BTBD8: variants seen among roughly 807,000 people sequenced by gnomAD.
BTBD8 encodes the protein BTB domain containing 8, also known as BTB/POZ domain-containing protein 8.
In BTBD8, 110 loss-of-function variants were observed where a neutral mutation model predicts 162.9. That is an observed-to-expected ratio of 0.68 (90% CI 0.58 to 0.79). The LOEUF is 0.79. Ranked by LOEUF, BTBD8 falls within the 30% of genes least tolerant of loss-of-function variation. The probability of loss-of-function intolerance (pLI) is 0.00; values close to 1 mark genes in which losing one functional copy is unlikely to be tolerated. For missense variants in BTBD8, 1,905 were observed against 2,085.4 expected, an observed-to-expected ratio of 0.91 and a Z score of 1.68; for synonymous variants, 667 against 716.1, an observed-to-expected ratio of 0.93 and a Z score of 1.10.
At chr1:92,112,955 C>T (rs1429945249) in intron 4 of BTBD8, among the ~76,000 whole-genome samples, 1 of 152,148 alleles carries the variant, frequency 6.6e-6, no homozygotes, top group African/African-American at 2.4e-5. Flanking sequence ...TAATCCAGGC[C>T]ATTATTCTGC....
In BTBD8 at chr1:92,184,295, G is replaced by A. The variant is rs1162835777; in HGVS notation, c.5344G>A (p.Glu1782Lys). 4 of 1,550,898 alleles carry A rather than the reference G, an allele frequency of 2.6e-6. No homozygotes were observed. Among genetic ancestry groups the A allele is most frequent in the Admixed American group, 2.0e-5 (1 of 50,928 alleles). The change falls in exon 18 of 18, where the codon GAG (glutamate) becomes AAG (lysine). Residue 1782 changes from glutamate (E) to lysine (K), a missense_variant. Physicochemically the swap from Glu to Lys is moderately conservative, Grantham distance 56 (BLOSUM62 1). Coordinates refer to ENST00000636805, the MANE Select transcript of BTBD8 (RefSeq NM_001376131.1). ...CTCTGAAGATTGTTCGCCTCAAGGC[G>A]AGTGGACAATTCTGGAACTGGAAAC... ...FSSEDCSPQG[E>K]WTILELETQH
At chr1:92,168,232 T>A (rs1023445572) in intron 11 of BTBD8, among the ~76,000 whole-genome samples, 1 of 152,166 alleles carries the variant, frequency 6.6e-6, no homozygotes. Context: ...TAATTTTAAA[T>A]TTAGTGTGAT....
At chr1:92,139,176 G>T (rs1187811222) in intron 5 of BTBD8, among the ~76,000 whole-genome samples, 174 bp from the exon 6 acceptor site, 1 of 152,122 alleles carries the variant, frequency 6.6e-6, no homozygotes, top group African/African-American at 2.4e-5. Flanking sequence ...ATCCATTGTT[G>T]TAGTTCTGTT....
At chr1:92,149,034 G>C (rs762800802) in intron 9 of BTBD8, among the ~76,000 whole-genome samples, 22 of 152,144 alleles carry the variant, frequency 1.4e-4, no homozygotes, top group Non-Finnish European at 2.6e-4. Flanking sequence ...AAGAAACTAT[G>C]AACAGTGAAA....
intron 4 of BTBD8, among the ~76,000 whole-genome samples, chr1:92,110,474 C>G (rs1648858024): frequency 6.6e-6 from 1 of 152,206 alleles, no homozygotes; most frequent in Admixed American, 6.5e-5. Flanking sequence ...TTCATGGATT[C>G]CATTAGTTAT....
intron 4 of BTBD8, among the ~76,000 whole-genome samples, chr1:92,119,823 G>A (rs559614115): frequency 4.7e-5 from 7 of 148,076 alleles, no homozygotes; most frequent in Non-Finnish European, 1.0e-4. Flanking sequence ...GTTTCACCGT[G>A]ATCTCGATTT....
At chr1:92,175,848 A>G (rs1650697220) in intron 13 of BTBD8, among the ~76,000 whole-genome samples, 2 of 152,280 alleles carry the variant, frequency 1.3e-5, no homozygotes, top group South Asian at 4.1e-4. Flanking sequence ...ATCTTAAAAT[A>G]TTATCCTAGA....
intron 9 of BTBD8, among the ~76,000 whole-genome samples, chr1:92,149,151 C>T (rs1419773540): frequency 6.6e-6 from 1 of 152,150 alleles, no homozygotes; most frequent in Admixed American, 6.5e-5. Flanking sequence ...TGCAGTAGTT[C>T]TGATATAAAC....
intron 4 of BTBD8, among the ~76,000 whole-genome samples, chr1:92,119,893 C>CTTT (rs58297367): frequency 0.013 from 741 of 58,110 alleles, 2 homozygotes; most frequent in Middle Eastern, 0.036. Flanking sequence ...CGGCCCTTTT[C>CTTT]TTTTTTTTTT....
rs552493409 is a variant in BTBD8, at chr1:92,108,121, A to G, written c.662+120A>G. On this transcript the variant is annotated intron_variant, in intron 4 of 17. Transcript: ENST00000636805. Reference sequence around the variant, plus strand: ...TTTTCACACAGGCCACAGGGGTTCCATGAAGGCCAAAGGGGTTCCACTGTG... The same window carrying G: ...TTTTCACACAGGCCACAGGGGTTCCGTGAAGGCCAAAGGGGTTCCACTGTG... 7.7e-6 allele frequency: 7 copies of G among 912,366 alleles called. No individual in the cohort carries two copies. The South Asian group carries it at 8.4e-5, about 11-fold the overall frequency. 56.5% of individuals were successfully genotyped at this position (912,366 alleles called of 1,614,324 possible).
Position 92,184,203 on chromosome 1 carries a change from T to G in BTBD8, c.5252T>G (p.Leu1751Trp), listed in dbSNP as rs992476525. The G allele has an allele frequency of 1.3e-6, 2 of 1,551,482 alleles. No homozygotes were observed. Among genetic ancestry groups the G allele is most frequent in the Non-Finnish European group, 1.7e-6 (2 of 1,146,854 alleles). ...CAGGGTATAACACATATTGACACTT[T>G]GAACAGATGGAGTGAACTAACATCT... ...KPQGITHIDT[L>W]NRWSELTSPL... Residue 1751 changes from leucine (L) to tryptophan (W), a missense_variant, in exon 18 of 18, where the codon TTG (leucine) becomes TGG (tryptophan). By Grantham distance (61) the Leu-to-Trp change is moderately conservative (BLOSUM62 -2). Coordinates refer to ENST00000636805, the MANE Select transcript of BTBD8 (RefSeq NM_001376131.1).
chr1:92,118,619 G>A (rs1374964738), intron 4 of BTBD8, among the ~76,000 whole-genome samples: 1 of 151,830 alleles, frequency 6.6e-6, no homozygotes, highest in African/African-American at 2.4e-5. Flanking sequence ...TTAAGTGATA[G>A]AAAGTAATGT....
chr1:92,175,169 G>A (rs1036830312), intron 13 of BTBD8, among the ~76,000 whole-genome samples: 18 of 151,902 alleles, frequency 1.2e-4, no homozygotes, highest in Admixed American at 7.2e-4. Context: ...AAAAAAAACC[G>A]TTTGCATACT....
At position 92,180,771 on chromosome 1, in the gene BTBD8, A is replaced by C. The variant is rs1317037023; in HGVS notation, c.3088A>C (p.Asn1030His). The change falls in exon 17 of 18, where the codon AAT (asparagine) becomes CAT (histidine). Residue 1030 changes from asparagine (N) to histidine (H), a missense_variant. This residue lies in a region of BTBD8 where 1,374 missense variants were observed against 1,442.7 expected (regional missense o/e 0.95). Coordinates refer to ENST00000636805, the MANE Select transcript of BTBD8 (RefSeq NM_001376131.1). ...EKEKLALECQNISKLDKSLKH... is the reference protein window; with the variant it reads ...EKEKLALECQHISKLDKSLKH... ...AGAGAAGTTGGCGTTAGAATGCCAA[A>C]ATATTTCAAAGCTGGATAAATCATT... is the stretch of plus-strand genomic sequence containing the variant. 4 of 1,551,780 alleles carry C rather than the reference A, an allele frequency of 2.6e-6. No individual in the cohort carries two copies. Among genetic ancestry groups the C allele is most frequent in the South Asian group, 2.4e-5 (2 of 84,068 alleles).
intron 4 of BTBD8, among the ~76,000 whole-genome samples, chr1:92,123,716 G>T (rs997625519): frequency 7.0e-6 from 1 of 142,112 alleles, no homozygotes; most frequent in East Asian, 2.1e-4. Context: ...GGTGGAGCTT[G>T]CAGTGAGCCA....
At chr1:92,159,412 A>G (rs1650236474) in intron 9 of BTBD8, among the ~76,000 whole-genome samples, 1 of 151,984 alleles carries the variant, frequency 6.6e-6, no homozygotes, top group Non-Finnish European at 1.5e-5. Context: ...CCTGAGCTCA[A>G]GTGATCTTCC....
rs182158953 is a variant in BTBD8, at chr1:92,126,061, A to T, written c.663-3626A>T. 1.2e-3 allele frequency: 598 copies of T among 489,236 alleles called. 2 individuals carry two copies. Among genetic ancestry groups the T allele is most frequent in the African/African-American group, 0.011 (557 of 50,866 alleles). The allele number at this position is 489,236 out of a possible 1,614,324, so 30.3% of individuals were successfully genotyped here. ...AGCACACTGAGAATGTGGAAGATGT[A>T]TGAGGAATTCCTTAGTAAAGTGTCT... On this transcript the variant is annotated intron_variant, in intron 4 of 17. Transcript: ENST00000636805.
intron 17 of BTBD8, 53 bp downstream of exon 17, chr1:92,182,648 T>G (rs1308095139): frequency 1.7e-6 from 2 of 1,205,776 alleles, no homozygotes; most frequent in Non-Finnish European, 2.2e-6. Context: ...GTTTATAAAA[T>G]TTTAAAGTTG....
chr1:92,169,277 G>A (rs1650469308), intron 12 of BTBD8, among the ~76,000 whole-genome samples: 1 of 152,188 alleles, frequency 6.6e-6, no homozygotes, highest in Non-Finnish European at 1.5e-5. Flanking sequence ...GCATTCTTGT[G>A]AAGAGATTAA....
Sources: gnomAD v4.1 joint callset for allele counts (sites outside exome capture counted in the v4.1 genomes callset) on GRCh38, gnomAD v4.1.1 for gene constraint, gnomAD v4.1.1 regional missense constraint, MANE v1.5 for transcripts, NCBI Gene and HGNC (gene_info 2026-07-23, HGNC 2026-07-21) for gene names.